HERC2: variants seen among roughly 807,000 people sequenced by gnomAD.
HERC2 encodes the protein E3 ubiquitin-protein ligase HERC2.
Under a neutral mutation model 537.7 loss-of-function variants are expected in HERC2, and 102 were observed. That is an observed-to-expected ratio of 0.19 (90% CI 0.16 to 0.22). The LOEUF (loss-of-function observed/expected upper bound fraction) is 0.22, where lower values mean the gene tolerates loss of function less well. HERC2 is among the 10% of genes least tolerant of loss of function. HERC2 has a pLI of 1.00. For synonymous variants in HERC2, 2,224 were observed against 2,466.2 expected (o/e 0.90, Z 2.91); for missense variants, 4,236 against 6,198.2 (o/e 0.68, Z 10.63).
At chr15:28,318,354 C>A (rs1314532150) in intron 2 of HERC2, among the ~76,000 whole-genome samples, 1 of 152,116 alleles carries the variant, frequency 6.6e-6, no homozygotes, top group African/African-American at 2.4e-5. Context: ...AGGCCGGGCG[C>A]GGTGGCTCAC....
intron 3 of HERC2, among the ~76,000 whole-genome samples, chr15:28,294,774 G>A (rs2076415768): frequency 6.6e-6 from 1 of 151,978 alleles, no homozygotes; most frequent in Admixed American, 6.6e-5. Flanking sequence ...GTGGCATGCG[G>A]TGTCCCCCAC....
At chr15:28,226,875 A>C (rs956448790) in intron 35 of HERC2, among the ~76,000 whole-genome samples, 10 of 152,366 alleles carry the variant, frequency 6.6e-5, no homozygotes, top group East Asian at 5.8e-4. Flanking sequence ...TATACACGAA[A>C]TTTTTAAAGA....
chr15:28,119,808 G>C (rs11074319), intron 86 of HERC2, among the ~76,000 whole-genome samples: 2 of 152,172 alleles, frequency 1.3e-5, no homozygotes, highest in Non-Finnish European at 2.9e-5. Context: ...CATACTGAAC[G>C]TTTTTGTAAC....
intron 57 of HERC2, among the ~76,000 whole-genome samples, chr15:28,182,138 T>C: frequency 6.6e-6 from 1 of 152,192 alleles, no homozygotes; most frequent in Middle Eastern, 3.2e-3. Context: ...GATACACCTA[T>C]TGACAGTCTA....
chr15:28,230,985 T>C (rs1901776415), intron 30 of HERC2, among the ~76,000 whole-genome samples: 1 of 152,138 alleles, frequency 6.6e-6, no homozygotes, highest in Non-Finnish European at 1.5e-5. Context: ...AAAAAGGTCT[T>C]AGTCCATGGG....
chr15:28,263,317 C>G, intron 14 of HERC2, 148 bp from the exon 15 acceptor site: 1 of 765,888 alleles, frequency 1.3e-6, no homozygotes, highest in East Asian at 2.7e-5. Context: ...ACTGAGCAAA[C>G]GAAATCTAGG....
intron 85 of HERC2, among the ~76,000 whole-genome samples, chr15:28,121,687 C>T (rs1049632717): frequency 5.3e-5 from 8 of 152,170 alleles, no homozygotes; most frequent in Non-Finnish European, 1.0e-4. Context: ...CACCCAGCAG[C>T]GTTCCGGAGG....
In HERC2 at chr15:28,298,853, G is replaced by T. The variant is rs1167627660; in HGVS notation, c.187+549C>A. Reference sequence around the variant, plus strand: ...TTCAGACTAATGCTCTCCCAACTGAGCTATTTCAACTTAGAATAAATACTT... The same window carrying T: ...TTCAGACTAATGCTCTCCCAACTGATCTATTTCAACTTAGAATAAATACTT... On this transcript the variant is annotated intron_variant, in intron 3 of 92. Transcript: ENST00000261609. 3.3e-5 allele frequency among the ~76,000 whole-genome samples: 5 copies of T among 151,996 alleles called. No individual in the cohort carries two copies. The East Asian group carries it at 9.8e-4, about 30-fold the overall frequency.
chr15:28,316,778 ATCG>A, intron 2 of HERC2, among the ~76,000 whole-genome samples: 1 of 152,156 alleles, frequency 6.6e-6, no homozygotes, highest in East Asian at 1.9e-4. Context: ...TTATCTACTG[ATCG>A]TTTTTATTTT....
chr15:28,199,660 T>C (rs986978506), intron 48 of HERC2, among the ~76,000 whole-genome samples: 4 of 152,168 alleles, frequency 2.6e-5, no homozygotes, highest in Non-Finnish European at 4.4e-5. Flanking sequence ...GGATAATTAA[T>C]ACAGAATGTC....
intron 30 of HERC2, among the ~76,000 whole-genome samples, chr15:28,231,558 A>G (rs1278047340): frequency 6.6e-6 from 1 of 152,048 alleles, no homozygotes; most frequent in Non-Finnish European, 1.5e-5. Flanking sequence ...TTCTTCACAC[A>G]TGATATGACA....
chr15:28,314,893 C>T (rs1303530038), intron 2 of HERC2, among the ~76,000 whole-genome samples: 1 of 151,786 alleles, frequency 6.6e-6, no homozygotes, highest in African/African-American at 2.4e-5. Context: ...TATGTCAACA[C>T]ATGAAAATTA....
chr15:28,282,065 A>C (rs1345086512), intron 4 of HERC2, among the ~76,000 whole-genome samples: 1 of 152,112 alleles, frequency 6.6e-6, no homozygotes, highest in Non-Finnish European at 1.5e-5. Flanking sequence ...GAGAAAATAC[A>C]CAAACCATGG....
chr15:28,285,106 G>A (rs1397925859), intron 4 of HERC2, among the ~76,000 whole-genome samples: 1 of 151,986 alleles, frequency 6.6e-6, no homozygotes, highest in Non-Finnish European at 1.5e-5. Context: ...TATAGTTGGA[G>A]ACCTCAAAGT....
At chr15:28,222,542 A>G (rs967720483) in intron 35 of HERC2, among the ~76,000 whole-genome samples, 5 of 152,184 alleles carry the variant, frequency 3.3e-5, no homozygotes, top group Admixed American at 2.6e-4. Flanking sequence ...TTATTAATAG[A>G]AAAACAAAGA....
At chr15:28,309,406 T>A (rs2076879476) in intron 2 of HERC2, among the ~76,000 whole-genome samples, 1 of 152,212 alleles carries the variant, frequency 6.6e-6, no homozygotes, top group Non-Finnish European at 1.5e-5. Context: ...GGCCCCTTTA[T>A]CATTACATAA....
intron 22 of HERC2, among the ~76,000 whole-genome samples, chr15:28,246,431 T>G (rs1000820082): frequency 6.6e-6 from 1 of 152,164 alleles, no homozygotes; most frequent in Non-Finnish European, 1.5e-5. Context: ...TTTAAGATCC[T>G]TAAATAGGTA....
chr15:28,320,427 C>G (rs926309457), intron 2 of HERC2: 2 of 152,208 alleles, frequency 1.3e-5, no homozygotes, highest in East Asian at 3.8e-4. Context: ...CAACACAGCT[C>G]TAAACACTGG....
At chr15:28,235,084 G>A (rs3881418) in intron 26 of HERC2, among the ~76,000 whole-genome samples, 12 of 151,924 alleles carry the variant, frequency 7.9e-5, no homozygotes, top group East Asian at 1.9e-4. Flanking sequence ...CTCTATTAAC[G>A]ATCTGTGTTA....
Sources: gnomAD v4.1 joint callset for allele counts (sites outside exome capture counted in the v4.1 genomes callset) on GRCh38, gnomAD v4.1.1 for gene constraint, MANE v1.5 for transcripts, NCBI Gene and HGNC (gene_info 2026-07-23, HGNC 2026-07-21) for gene names.